The following MAN2B2 variants were observed in gnomAD, a reference collection of about 807,000 sequenced individuals.
MAN2B2 encodes mannosidase alpha class 2B member 2.
A neutral mutation model predicts 117.1 loss-of-function variants in MAN2B2; 106 were observed. The observed-to-expected ratio is 0.90, with a 90% confidence interval of 0.77 to 1.06. MAN2B2 has a LOEUF of 1.06. Ranked by LOEUF, MAN2B2 falls within the 50% of genes least tolerant of loss-of-function variation. The pLI is 0.00. For missense variants in MAN2B2, 1,326 were observed against 1,381.4 expected, an observed-to-expected ratio of 0.96 and a Z score of 0.64; for synonymous variants, 544 against 595.1, an observed-to-expected ratio of 0.91 and a Z score of 1.25.
chr4:6,578,824 G>A (rs1236749979), intron 3 of MAN2B2, among the ~76,000 whole-genome samples: 2 of 152,014 alleles, frequency 1.3e-5, no homozygotes, highest in African/African-American at 4.8e-5. Flanking sequence ...ACCTCAAAGG[G>A]TTGTTGTGAG....
intron 9 of MAN2B2, among the ~76,000 whole-genome samples, chr4:6,599,158 G>T (rs1478412953): frequency 6.6e-6 from 1 of 152,158 alleles, no homozygotes; most frequent in Admixed American, 6.5e-5. Flanking sequence ...GTGCAGTGGT[G>T]CCAGTCATAG....
chr4:6,576,456 A>G, intron 1 of MAN2B2, 122 bp from the exon 2 acceptor site: 1 of 1,149,772 alleles, frequency 8.7e-7, no homozygotes, highest in Non-Finnish European at 1.3e-6. Context: ...GTGGGGGGTG[A>G]GCAGCAGGGA....
chr4:6,607,178 T>C (rs1341539136), intron 11 of MAN2B2, among the ~76,000 whole-genome samples: 4 of 152,188 alleles, frequency 2.6e-5, no homozygotes, highest in Admixed American at 2.6e-4. Flanking sequence ...CTCACTTCTT[T>C]CACTTCACAT....
chr4:6,593,318 T>C lies in MAN2B2; in HGVS notation c.826T>C (p.Trp276Arg). Residue 276 changes from tryptophan to arginine, a missense_variant, in exon 6 of 19, where the codon TGG becomes CGG. Coordinates refer to ENST00000285599, the MANE Select transcript of MAN2B2 (RefSeq NM_015274.3). ...GGCCAACGTGAAGCAGAGGGCCGCC[T>C]GGTTCCGGACACCGCACGTCCTCTG... ...LVANVKQRAA[W>R]FRTPHVLWPW... The C allele has an allele frequency of 6.2e-7, 1 of 1,613,634 alleles. No individual in the cohort carries two copies. The highest frequency in any genetic ancestry group is 8.5e-7 in the Non-Finnish European group (1 of 1,179,860).
At position 6,583,600 on chromosome 4, in the gene MAN2B2, C is replaced by A. The variant is rs546387713; in HGVS notation, c.392-3396C>A. Among the ~76,000 whole-genome samples, 8 of 152,336 alleles carry A rather than the reference C, an allele frequency of 5.3e-5. No homozygotes were observed. In the South Asian group the frequency reaches 6.2e-4, roughly 12 times the overall value. ...GCAGCTAATCCGTACGGGTCTGCAGCAACCCCAGTTCTTGCCTCCTCGGAA... is the reference window on the plus strand; with the variant it reads ...GCAGCTAATCCGTACGGGTCTGCAGAAACCCCAGTTCTTGCCTCCTCGGAA... On this transcript the variant is annotated intron_variant, in intron 3 of 18. Coordinates refer to ENST00000285599, the MANE Select transcript of MAN2B2 (RefSeq NM_015274.3).
intron 8 of MAN2B2, among the ~76,000 whole-genome samples, chr4:6,597,626 A>G (rs1176136882): frequency 6.6e-6 from 1 of 152,236 alleles, no homozygotes; most frequent in Non-Finnish European, 1.5e-5. Context: ...GATGTCAGGC[A>G]CATGATTCCC....
intron 11 of MAN2B2, 40 bp downstream of exon 11, chr4:6,605,369 C>T: frequency 1.3e-6 from 2 of 1,570,532 alleles, no homozygotes; most frequent in Non-Finnish European, 1.7e-6. Context: ...CACAGGCATG[C>T]CTGGAGCCTG....
intron 11 of MAN2B2, among the ~76,000 whole-genome samples, chr4:6,606,445 G>A (rs996568355): frequency 1.3e-5 from 2 of 152,242 alleles, no homozygotes; most frequent in African/African-American, 4.8e-5. Context: ...AGCCTGCCAG[G>A]TTAGGCCAGG....
At chr4:6,605,440 G>A in intron 11 of MAN2B2, 111 bp downstream of exon 11, 4 of 1,287,166 alleles carry the variant, frequency 3.1e-6, no homozygotes, top group Non-Finnish European at 4.2e-6. Context: ...AAGGACAGAT[G>A]GTGGTGAAAC....
In MAN2B2 at chr4:6,575,233, C is replaced by A. The variant is rs961539606; in HGVS notation, c.23C>A (p.Pro8Gln). 2.0e-6 allele frequency: 3 copies of A among 1,534,428 alleles called. No homozygotes were observed. Among genetic ancestry groups the A allele is most frequent in the East Asian group, 2.4e-5 (1 of 41,168 alleles). Residue 8 changes from proline to glutamine, a missense_variant, in exon 1 of 19, where the codon CCG becomes CAG. Coordinates refer to ENST00000285599, the MANE Select transcript of MAN2B2 (RefSeq NM_015274.3). MGQLCWL[P>Q]LLAPLLLLRP... ...GGGATGGGGCAGCTGTGCTGGCTGCCGCTGCTGGCACCGCTCCTGTTGCTG... is the reference window on the plus strand; with the variant it reads ...GGGATGGGGCAGCTGTGCTGGCTGCAGCTGCTGGCACCGCTCCTGTTGCTG...
At chr4:6,605,454 T>C in intron 11 of MAN2B2, 125 bp downstream of exon 11, 1 of 1,084,938 alleles carries the variant, frequency 9.2e-7, no homozygotes, top group South Asian at 1.6e-5. Context: ...GTGAAACCCC[T>C]TCCTGCTATT....
At position 6,576,610 on chromosome 4, in the gene MAN2B2, C is replaced by T. The variant is rs1460949050; in HGVS notation, c.171C>T (p.Tyr57=). 3 of 1,613,728 alleles carry T rather than the reference C, an allele frequency of 1.9e-6. No homozygotes were observed. In the East Asian group the frequency reaches 6.7e-5, roughly 36 times the overall value. The change falls in exon 2 of 19, where the codon TAC becomes TAT. Residue 57 remains tyrosine, a synonymous_variant. Coordinates refer to ENST00000285599, the MANE Select transcript of MAN2B2 (RefSeq NM_015274.3). ...TGCGGGCGTACGCCGCCAATGTCTA[C>T]ACCTCAGTGGTGGAAGAGCTGGCCC... is the stretch of plus-strand genomic sequence containing the variant. ...ESMRAYAANV[Y]TSVVEELARG...
chr4:6,616,963 G>GA (rs2108760092), intron 16 of MAN2B2, among the ~76,000 whole-genome samples: 1 of 152,234 alleles, frequency 6.6e-6, no homozygotes, highest in African/African-American at 2.4e-5. Context: ...AGTTTATGAA[G>GA]AAAAAAGGTT....
chr4:6,597,804 G>T (rs1176290142), intron 8 of MAN2B2, among the ~76,000 whole-genome samples: 2 of 152,168 alleles, frequency 1.3e-5, no homozygotes, highest in African/African-American at 4.8e-5. Context: ...CTGTACTGAT[G>T]GGAAAACAGA....
At chr4:6,588,284 G>C (rs570622232) in intron 4 of MAN2B2, among the ~76,000 whole-genome samples, 1 of 152,294 alleles carries the variant, frequency 6.6e-6, no homozygotes, top group East Asian at 1.9e-4. Flanking sequence ...TTGGCTTGTG[G>C]ATGCCCCGCT....
intron 8 of MAN2B2, 143 bp downstream of exon 8, chr4:6,597,446 C>T (rs1727148056): frequency 3.2e-6 from 3 of 928,604 alleles, no homozygotes; most frequent in East Asian, 6.1e-5. Flanking sequence ...CCTTTGGTTA[C>T]AAGGCCAGTG....
chr4:6,581,566 G>C (rs1726426924), intron 3 of MAN2B2, among the ~76,000 whole-genome samples: 1 of 151,950 alleles, frequency 6.6e-6, no homozygotes, highest in African/African-American at 2.4e-5. Context: ...GGTTTTCTCA[G>C]ATATGTTGGG....
At chr4:6,617,046 A>G (rs956164751) in intron 16 of MAN2B2, among the ~76,000 whole-genome samples, 2 of 152,310 alleles carry the variant, frequency 1.3e-5, no homozygotes, top group Non-Finnish European at 1.5e-5. Context: ...GAGCAAAGTC[A>G]CGTCTTACAT....
rs139933555 is a variant in MAN2B2 at position 6,610,981 on chromosome 4, G to T, written c.2361G>T (p.Gly787=). The T allele has an allele frequency of 1.2e-6, 2 of 1,614,066 alleles. No homozygotes were observed. The highest frequency in any genetic ancestry group is 2.7e-5 in the African/African-American group (2 of 74,922). The change falls in exon 14 of 19, where the codon GGG becomes GGT. Residue 787 remains glycine, a synonymous_variant. Coordinates refer to ENST00000285599, the MANE Select transcript of MAN2B2 (RefSeq NM_015274.3). ...RAHGISSQGN[G]QVEVMLHRRL... is the part of the protein sequence containing the mutation. ...ATGGCATCTCCAGCCAAGGGAATGG[G>T]CAGGTGGAGGTAGGAGGCACGGTCT...
Sources: allele counts gnomAD v4.1 joint callset (sites outside exome capture counted in the v4.1 genomes callset), GRCh38; gene constraint gnomAD v4.1.1; transcripts MANE v1.5; gene names NCBI Gene and HGNC (gene_info 2026-07-23, HGNC 2026-07-21).